The following EXOC6B variants were observed in gnomAD, a reference collection of about 807,000 sequenced individuals.
EXOC6B encodes SEC15 homolog B.
A neutral mutation model predicts 113.5 loss-of-function variants in EXOC6B; 54 were observed. The ratio of observed to expected loss-of-function variants is 0.48; its 90% CI spans 0.38 to 0.60. The LOEUF (loss-of-function observed/expected upper bound fraction) is 0.60. Ranked by LOEUF, EXOC6B falls within the 20% of genes least tolerant of loss-of-function variation. The pLI is 0.00. For synonymous variants in EXOC6B, 357 were observed against 339.0 expected (o/e 1.05, Z -0.58); for missense variants, 797 against 977.5 (o/e 0.82, Z 2.46).
intron 1 of EXOC6B, among the ~76,000 whole-genome samples, chr2:72,767,549 C>T (rs1683137630): frequency 6.6e-6 from 1 of 151,886 alleles, no homozygotes; most frequent in Non-Finnish European, 1.5e-5. Flanking sequence ...GTGGCTCACG[C>T]TTGCAATCCC....
At chr2:72,614,489 C>A (rs1426552071) in intron 6 of EXOC6B, among the ~76,000 whole-genome samples, 1 of 152,094 alleles carries the variant, frequency 6.6e-6, no homozygotes, top group Non-Finnish European at 1.5e-5. Flanking sequence ...TGGTCCCCAC[C>A]TCCCAATCAC....
At chr2:72,246,312 T>C (rs577570214) in intron 20 of EXOC6B, among the ~76,000 whole-genome samples, 173 of 152,272 alleles carry the variant, frequency 1.1e-3, no homozygotes, top group African/African-American at 3.9e-3. Context: ...ATTTCCCCTT[T>C]CATAGAATCC....
intron 18 of EXOC6B, among the ~76,000 whole-genome samples, chr2:72,404,047 A>G (rs1693545045): frequency 6.6e-6 from 1 of 152,198 alleles, no homozygotes; most frequent in South Asian, 2.1e-4. Flanking sequence ...AGCAAACGGC[A>G]CACCAGGAGA....
intron 20 of EXOC6B, among the ~76,000 whole-genome samples, chr2:72,192,275 C>T (rs997837748): frequency 1.3e-5 from 2 of 152,180 alleles, no homozygotes; most frequent in Admixed American, 1.3e-4. Flanking sequence ...GGTCAGCTAA[C>T]ATTTTGTAGC....
chr2:72,814,928 T>G (rs1173248530), intron 1 of EXOC6B, among the ~76,000 whole-genome samples: 1 of 152,110 alleles, frequency 6.6e-6, no homozygotes, highest in Non-Finnish European at 1.5e-5. Context: ...GAGGCGGAGC[T>G]TGCAGTGAAC....
Position 72,580,135 on chromosome 2 carries a change from ATT to A in EXOC6B, c.670-4469_670-4468del, listed in dbSNP as rs1205164863. 4.8e-3 allele frequency among the ~76,000 whole-genome samples: 453 copies of A among 93,780 alleles called. 5 individuals are homozygous for A. The highest frequency in any genetic ancestry group is 0.019 in the African/African-American group (433 of 22,232). The allele number at this position is 93,780 out of a possible 152,430, so 61.5% of individuals were successfully genotyped here. On this transcript the variant is annotated intron_variant, in intron 6 of 21. Transcript: ENST00000272427. ...TCTTGCCTCTGAAAAAGAAATAAGA[ATT>A]TTTTTTTTTTTTTTTTTTTTTTTGG... is the stretch of plus-strand genomic sequence containing the variant.
rs565004702 is a variant in EXOC6B, at chr2:72,422,147, A to G, written c.1981-42277T>C. Among the ~76,000 whole-genome samples the G allele has an allele frequency of 3.3e-5, 5 of 152,222 alleles. No individual in the cohort carries two copies. In the East Asian group the frequency reaches 5.8e-4, roughly 18 times the overall value. On this transcript the variant is annotated intron_variant, in intron 18 of 21. Transcript: ENST00000272427. ...GCCCCGTGCGGCCCGAGCCTCCCCAACGAGCACCACCCCCTGCTCCAGGGT... is the reference window on the plus strand; with the variant it reads ...GCCCCGTGCGGCCCGAGCCTCCCCAGCGAGCACCACCCCCTGCTCCAGGGT...
intron 19 of EXOC6B, among the ~76,000 whole-genome samples, chr2:72,350,080 T>C (rs918265446): frequency 1.3e-5 from 2 of 152,180 alleles, no homozygotes; most frequent in African/African-American, 4.8e-5. Flanking sequence ...TAGCCATATA[T>C]GTCCCAGCAG....
intron 20 of EXOC6B, among the ~76,000 whole-genome samples, chr2:72,234,492 A>G (rs1681831921): frequency 1.3e-5 from 2 of 152,216 alleles, no homozygotes. Context: ...ACTTCTGGAC[A>G]TAGGCCCCCG....
intron 6 of EXOC6B, among the ~76,000 whole-genome samples, chr2:72,626,822 T>G (rs1672081228): frequency 6.6e-6 from 1 of 151,946 alleles, no homozygotes; most frequent in Admixed American, 6.6e-5. Context: ...TTTTTTGTTT[T>G]TATATTGTTT....
chr2:72,593,874 T>C (rs1706139657), intron 6 of EXOC6B, among the ~76,000 whole-genome samples: 1 of 152,216 alleles, frequency 6.6e-6, no homozygotes, highest in African/African-American at 2.4e-5. Flanking sequence ...AATAGCCTTG[T>C]ATATATTAAA....
At chr2:72,550,743 T>C (rs533481145) in intron 8 of EXOC6B, among the ~76,000 whole-genome samples, 32 of 152,252 alleles carry the variant, frequency 2.1e-4, no homozygotes, top group Admixed American at 5.2e-4. Context: ...ATGGTCATCG[T>C]ACAATTAAGA....
intron 20 of EXOC6B, among the ~76,000 whole-genome samples, chr2:72,242,487 T>C (rs1436144858): frequency 1.3e-5 from 2 of 152,010 alleles, no homozygotes; most frequent in South Asian, 2.1e-4. Context: ...AACCATATGA[T>C]ATGCTAAGAG....
intron 20 of EXOC6B, among the ~76,000 whole-genome samples, chr2:72,280,397 G>C (rs1391427972): frequency 6.6e-6 from 1 of 151,838 alleles, no homozygotes; most frequent in Admixed American, 6.6e-5. Flanking sequence ...TTAGAATTAA[G>C]CAAAAAGAAA....
At chr2:72,266,995 A>G (rs1299913806) in intron 20 of EXOC6B, among the ~76,000 whole-genome samples, 8 of 152,070 alleles carry the variant, frequency 5.3e-5, no homozygotes, top group South Asian at 2.1e-4. Context: ...TGGATTCCTA[A>G]GTATTTTATT....
intron 20 of EXOC6B, among the ~76,000 whole-genome samples, chr2:72,240,395 A>C (rs1338818881): frequency 1.3e-5 from 2 of 152,232 alleles, no homozygotes; most frequent in Non-Finnish European, 2.9e-5. Flanking sequence ...ATCAAAGCCC[A>C]AAACAGAAAA....
intron 1 of EXOC6B, among the ~76,000 whole-genome samples, chr2:72,798,624 C>T (rs1426463957): frequency 6.6e-6 from 1 of 152,002 alleles, no homozygotes; most frequent in East Asian, 1.9e-4. Flanking sequence ...TGCCATAAAC[C>T]ATAAAAATTC....
At chr2:72,362,181 C>CT (rs1205468165) in intron 19 of EXOC6B, among the ~76,000 whole-genome samples, 1 of 152,170 alleles carries the variant, frequency 6.6e-6, no homozygotes, top group Non-Finnish European at 1.5e-5. Flanking sequence ...AAGATGCATT[C>CT]TATCCCTCCT....
chr2:72,612,953 G>A (rs532556712), intron 6 of EXOC6B, among the ~76,000 whole-genome samples: 1 of 152,280 alleles, frequency 6.6e-6, no homozygotes, highest in Admixed American at 6.5e-5. Context: ...CATGCAGCTA[G>A]CTCAGTAGCA....
Sources: gnomAD v4.1 joint callset for allele counts (sites outside exome capture counted in the v4.1 genomes callset) on GRCh38, gnomAD v4.1.1 for gene constraint, MANE v1.5 for transcripts, NCBI Gene and HGNC (gene_info 2026-07-23, HGNC 2026-07-21) for gene names.